The following COMT variants were observed in gnomAD, a reference collection of about 807,000 sequenced individuals.
The protein encoded by COMT is catechol O-methyltransferase.
Under a neutral mutation model 18.9 loss-of-function variants are expected in COMT, and 13 were observed. The observed-to-expected ratio is 0.69, with a 90% CI of 0.45 to 1.09. The LOEUF is 1.09. Ranked by LOEUF, COMT falls within the 50% of genes least tolerant of loss-of-function variation. The probability of loss-of-function intolerance (pLI) is 0.00; values close to 1 mark genes in which losing one functional copy is unlikely to be tolerated. For synonymous variants in COMT, 150 were observed against 160.9 expected (o/e 0.93, Z 0.51); for missense variants, 329 against 361.8 (o/e 0.91, Z 0.73).
In COMT at chr22:19,963,927, C is replaced by A; in HGVS notation, c.483+168C>A. 6 of 1,161,742 alleles carry A rather than the reference C, an allele frequency of 5.2e-6. No homozygotes were observed. The South Asian group carries it at 8.0e-5, about 16-fold the overall frequency. 72.0% of individuals were successfully genotyped at this position (1,161,742 alleles called of 1,614,324 possible). ...GCCTGGGGCTGAGGAAAGACCCCCC[C>A]AGCAGCTCAGTGAGGGTCTCACAGC... On this transcript the variant is annotated intron_variant, in intron 4 of 5. Coordinates refer to ENST00000361682, the MANE Select transcript of COMT (RefSeq NM_000754.4).
chr22:19,957,200 C>T (rs5993888), intron 1 of COMT, among the ~76,000 whole-genome samples: 70,710 of 151,592 alleles, frequency 0.47, 16,970 homozygotes, highest in Middle Eastern at 0.55. Context: ...TCTGCCCGCC[C>T]CGGCCTCCCA....
At chr22:19,963,881 C>T (rs755441377) in intron 4 of COMT, 122 bp downstream of exon 4, 5 of 1,304,216 alleles carry the variant, frequency 3.8e-6, no homozygotes, top group Admixed American at 3.9e-5. Flanking sequence ...CCACTATCAC[C>T]AGGCCCCTCA....
chr22:19,950,544 G>T lies in COMT; in HGVS notation c.-92+8647G>T, dbSNP rs118063473. On this transcript the variant is annotated intron_variant, in intron 1 of 5. Coordinates refer to ENST00000361682, the MANE Select transcript of COMT (RefSeq NM_000754.4). ...CTACATGTTTCCAGTGAGCTCAGCT[G>T]GTTGCTTTTGTGGGTCCCTGAGGCA... 3.2e-3 allele frequency among the ~76,000 whole-genome samples: 489 copies of T among 152,226 alleles called. 4 individuals carry two copies. Among genetic ancestry groups the T allele is most frequent in the Non-Finnish European group, 5.6e-3 (381 of 68,010 alleles).
intron 1 of COMT, among the ~76,000 whole-genome samples, chr22:19,942,208 G>T (rs1941747093): frequency 6.6e-6 from 1 of 152,318 alleles, no homozygotes; most frequent in South Asian, 2.1e-4. Flanking sequence ...TGGGTTGGGG[G>T]TCCAGACCAG....
chr22:19,952,226 G>C (rs1303168422), intron 1 of COMT, among the ~76,000 whole-genome samples: 1 of 152,222 alleles, frequency 6.6e-6, no homozygotes. Context: ...AGGACTGCTG[G>C]AGCCCAAGAG....
Position 19,969,912 on chromosome 22 carries a change from AT to A in COMT, c.*1181del. On this transcript the variant is annotated 3_prime_UTR_variant, in exon 6 of 6. Transcript: ENST00000361682. ...AGCAAAAAGTTCCTTTGCTGCTTTA[AT>A]TTTTAAATTTTCTTACAAAAATTTA... 1.0e-6 allele frequency: 1 copy of A among 985,530 alleles called. No homozygotes were observed. The highest frequency in any genetic ancestry group is 1.2e-6 in the Non-Finnish European group (1 of 829,944). 61.0% of individuals were successfully genotyped at this position (985,530 alleles called of 1,614,324 possible).
At position 19,962,587 on chromosome 22, in the gene COMT, G is replaced by A. The variant is rs781461677; in HGVS notation, c.61G>A (p.Val21Met). ...AVLLGLVLLV[V>M]LLLLLRHWGW... is the part of the protein sequence containing the mutation. ...GTTGCTGGGCCTGGTGCTGCTGGTG[G>A]TGCTGCTGCTGCTTCTGAGGCACTG... Residue 21 changes from valine to methionine, a missense_variant, in exon 3 of 6, where the codon GTG (valine) becomes ATG (methionine). Physicochemically the swap from Val to Met is conservative, Grantham distance 21 (BLOSUM62 1). Transcript: ENST00000361682. 1.1e-5 allele frequency: 18 copies of A among 1,578,898 alleles called. No individual in the cohort carries two copies. Among genetic ancestry groups the A allele is most frequent in the Non-Finnish European group, 1.5e-5 (18 of 1,162,800 alleles).
intron 3 of COMT, chr22:19,963,307 G>A: frequency 1.0e-5 from 6 of 594,598 alleles, no homozygotes; most frequent in Non-Finnish European, 1.8e-5. Context: ...AAAAGATAGG[G>A]ACCAGCGTGA....
At position 19,968,732 on chromosome 22, in the gene COMT, CCT is replaced by C; in HGVS notation, c.813_814del (p.Ter272ThrfsTer34). 6.4e-7 allele frequency: 1 copy of C among 1,569,182 alleles called. No individual in the cohort carries two copies. Among genetic ancestry groups the C allele is most frequent in the Non-Finnish European group, 8.6e-7 (1 of 1,157,400 alleles). ...AAGGGCCCAGGCAGCGAAGCAGGGC[CCT>C]GACTGCCCCCCCGGCCCCCCTCTCG... On this transcript the variant is annotated frameshift_variant and stop_lost, in exon 6 of 6. Transcript: ENST00000361682. LOFTEE classifies it high-confidence loss of function.
chr22:19,956,145 T>C (rs867500644), intron 1 of COMT, among the ~76,000 whole-genome samples: 29 of 121,106 alleles, frequency 2.4e-4, no homozygotes, highest in East Asian at 6.9e-4. Context: ...TTCTTTTTTT[T>C]TTTTTTTTTT....
chr22:19,964,459 A>C (rs1942288728), intron 5 of COMT, 160 bp downstream of exon 5: 1 of 1,100,502 alleles, frequency 9.1e-7, no homozygotes, highest in Non-Finnish European at 1.3e-6. Context: ...GGGACTGAGG[A>C]GGCCCTGTGG....
intron 1 of COMT, among the ~76,000 whole-genome samples, chr22:19,960,642 C>T (rs1942172418): frequency 6.6e-6 from 1 of 152,254 alleles, no homozygotes; most frequent in South Asian, 2.1e-4. Context: ...ACGATTCCCA[C>T]TCCTGCAGCT....
intron 1 of COMT, among the ~76,000 whole-genome samples, chr22:19,952,953 AAAATAAATAAAT>A (rs368190455): frequency 0.25 from 34,832 of 139,254 alleles, 4,809 homozygotes; most frequent in Non-Finnish European, 0.3. Flanking sequence ...CCCGTCTCAA[AAAATAAATAAAT>A]AAATAAATAA....
intron 1 of COMT, among the ~76,000 whole-genome samples, chr22:19,953,145 C>T (rs1941985497): frequency 6.6e-6 from 1 of 151,994 alleles, no homozygotes. Context: ...CCACGGTGGG[C>T]CTCAGGACTC....
At chr22:19,950,971 G>GA (rs1457595377) in intron 1 of COMT, 1 of 152,166 alleles carries the variant, frequency 6.6e-6, no homozygotes, top group Non-Finnish European at 1.5e-5. Flanking sequence ...AGAACAGAGG[G>GA]GGCAAGACAG....
intron 1 of COMT, among the ~76,000 whole-genome samples, chr22:19,956,225 A>G (rs552801657): frequency 6.3e-4 from 85 of 134,048 alleles, no homozygotes; most frequent in African/African-American, 1.9e-3. Flanking sequence ...GCTCACTGCA[A>G]CCGCCTCCCG....
Position 19,969,863 on chromosome 22 carries a change from T to C in COMT, c.*1127T>C, listed in dbSNP as rs1942646702. The C allele has an allele frequency of 1.0e-6, 1 of 985,474 alleles. No individual in the cohort carries two copies. Among genetic ancestry groups the C allele is most frequent in the Non-Finnish European group, 1.2e-6 (1 of 829,928 alleles). The allele number at this position is 985,474 out of a possible 1,614,324, so 61.0% of individuals were successfully genotyped here. On this transcript the variant is annotated 3_prime_UTR_variant, in exon 6 of 6. Coordinates refer to ENST00000361682, the MANE Select transcript of COMT (RefSeq NM_000754.4). Reference sequence around the variant, plus strand: ...CCGACACAAGGGAGAAGCCAGCCACTTGTGCCAGACCTGAGTGGCAGAAAG... The same window carrying C: ...CCGACACAAGGGAGAAGCCAGCCACCTGTGCCAGACCTGAGTGGCAGAAAG...
At chr22:19,962,499 C>T (rs377353154) in intron 2 of COMT, 28 bp from the exon 3 acceptor site, 26 of 1,544,846 alleles carry the variant, frequency 1.7e-5, no homozygotes, top group Non-Finnish European at 2.1e-5. Context: ...GCACAGAGCA[C>T]TGGCGCCCCT....
At chr22:19,964,508 CTGGGTGGCCTGTTGGGAACTGGGGAG>C in intron 5 of COMT, 1 of 756,026 alleles carries the variant, frequency 1.3e-6, no homozygotes, top group Non-Finnish European at 2.2e-6. Flanking sequence ...AGGGGCCTGG[CTGGGTGGCCTGTTGGGAACTGGGGAG>C]CCAGCTGCCT....
Sources: gnomAD v4.1 joint callset for allele counts (sites outside exome capture counted in the v4.1 genomes callset) on GRCh38, gnomAD v4.1.1 for gene constraint, MANE v1.5 for transcripts, NCBI Gene and HGNC (gene_info 2026-07-23, HGNC 2026-07-21) for gene names.